TENM3: variants seen among roughly 807,000 people sequenced by gnomAD.
The protein encoded by TENM3 is teneurin-3.
A neutral mutation model predicts 255.1 loss-of-function variants in TENM3; 63 were observed. That is an observed-to-expected ratio of 0.25 (90% CI 0.20 to 0.30). The LOEUF is 0.30. Ranked by LOEUF, TENM3 falls within the 10% of genes least tolerant of loss-of-function variation. The pLI, the probability that TENM3 is intolerant of heterozygous loss-of-function variation, is 1.00. For missense variants in TENM3, 2,929 were observed against 3,461.1 expected, an observed-to-expected ratio of 0.85 and a Z score of 3.86; for synonymous variants, 1,306 against 1,322.3, an observed-to-expected ratio of 0.99 and a Z score of 0.27.
chr4:181,899,774 G>T, the TENM3 span, among the ~76,000 whole-genome samples: 2 of 151,946 alleles, frequency 1.3e-5, no homozygotes, highest in East Asian at 3.9e-4. Context: ...CACCATGTTG[G>T]CCAGGATGGT....
chr4:182,502,910 C>CTT lies in TENM3; in HGVS notation c.512-97989_512-97988dup, dbSNP rs10671906. On this transcript the variant is annotated intron_variant, in intron 3 of 27. Transcript: ENST00000511685. ...TGTTTTGTGATTGGATGAAGTCAGC[C>CTT]TTTTTTTTTTTTTTTTTTTTTTTTT... is the stretch of plus-strand genomic sequence containing the variant. Among the ~76,000 whole-genome samples, 396 of 77,358 alleles carry CTT rather than the reference C, an allele frequency of 5.1e-3. 27 individuals carry two copies. Among genetic ancestry groups the CTT allele is most frequent in the Middle Eastern group, 0.02 (2 of 98 alleles). The allele number at this position is 77,358 out of a possible 152,430, so 50.7% of individuals were successfully genotyped here.
intron 3 of TENM3, among the ~76,000 whole-genome samples, chr4:182,446,382 A>G (rs1772914527): frequency 6.6e-6 from 1 of 152,356 alleles, no homozygotes; most frequent in South Asian, 2.1e-4. Flanking sequence ...AATAAATGCT[A>G]TCAATCAGTG....
the TENM3 span, among the ~76,000 whole-genome samples, chr4:181,932,543 G>A: frequency 2.0e-4 from 31 of 152,218 alleles, no homozygotes; most frequent in Non-Finnish European, 4.3e-4. Context: ...TGGAAAAATA[G>A]GAACACTTTA....
chr4:182,109,353 C>G, the TENM3 span, among the ~76,000 whole-genome samples: 1 of 150,236 alleles, frequency 6.7e-6, no homozygotes, highest in African/African-American at 2.4e-5. Flanking sequence ...ATAATCACAA[C>G]ATATAGTGAT....
chr4:182,187,199 A>G (rs979555139), intron 1 of TENM3, among the ~76,000 whole-genome samples: 2 of 152,216 alleles, frequency 1.3e-5, no homozygotes, highest in African/African-American at 4.8e-5. Context: ...TAAAATAAAT[A>G]TGAGAAAATA....
At chr4:182,000,374 C>G in the TENM3 span, among the ~76,000 whole-genome samples, 2 of 151,978 alleles carry the variant, frequency 1.3e-5, no homozygotes, top group African/African-American at 4.8e-5. Context: ...CCTTCTCTAG[C>G]CAAGAATCGG....
At chr4:182,181,290 C>T (rs1752824401) in intron 1 of TENM3, among the ~76,000 whole-genome samples, 1 of 152,162 alleles carries the variant, frequency 6.6e-6, no homozygotes, top group Non-Finnish European at 1.5e-5. Flanking sequence ...TTATGGCTTA[C>T]TAAACTAACA....
At chr4:182,415,585 A>T (rs1770305273) in intron 3 of TENM3, among the ~76,000 whole-genome samples, 2 of 152,212 alleles carry the variant, frequency 1.3e-5, no homozygotes, top group Admixed American at 6.5e-5. Flanking sequence ...TGCATTAAAA[A>T]TTTTAAACTA....
the TENM3 span, among the ~76,000 whole-genome samples, chr4:181,700,611 C>T: frequency 6.6e-6 from 1 of 152,306 alleles, no homozygotes; most frequent in Non-Finnish European, 1.5e-5. Context: ...CAAAGATGAT[C>T]ATCTTTTCCC....
intron 3 of TENM3, among the ~76,000 whole-genome samples, chr4:182,568,892 G>A (rs1279707755): frequency 1.3e-5 from 2 of 152,190 alleles, no homozygotes; most frequent in African/African-American, 4.8e-5. Flanking sequence ...AGTACATACT[G>A]TATGATTCCA....
the TENM3 span, among the ~76,000 whole-genome samples, chr4:181,504,780 G>A: frequency 6.6e-6 from 1 of 152,220 alleles, no homozygotes; most frequent in Non-Finnish European, 1.5e-5. Flanking sequence ...GGTGCTGGGT[G>A]TATTTTGGAC....
In TENM3 at chr4:182,639,989, C is replaced by T. The variant is rs573402364; in HGVS notation, c.988+11100C>T. Among the ~76,000 whole-genome samples the T allele has an allele frequency of 1.3e-3, 202 of 152,280 alleles. 2 individuals are homozygous for T. The highest frequency in any genetic ancestry group is 2.4e-3 in the Non-Finnish European group (166 of 68,022). On this transcript the variant is annotated intron_variant, in intron 5 of 27. Transcript: ENST00000511685. ...CCTGTAGTCCCAGCTACTCGGGAGG[C>T]TGAGGCAGGAGAATTGCTTGAACCC... is the stretch of plus-strand genomic sequence containing the variant.
chr4:181,974,989 G>A, the TENM3 span, among the ~76,000 whole-genome samples: 8 of 152,062 alleles, frequency 5.3e-5, no homozygotes. Context: ...CCATCTTTAT[G>A]TCCTGTTGAG....
At chr4:182,516,147 T>A (rs1256590597) in intron 3 of TENM3, among the ~76,000 whole-genome samples, 2 of 152,194 alleles carry the variant, frequency 1.3e-5, no homozygotes, top group Non-Finnish European at 2.9e-5. Context: ...GAGAATGCAG[T>A]GGTTAATTAA....
At chr4:181,767,406 A>G in the TENM3 span, among the ~76,000 whole-genome samples, 10 of 152,196 alleles carry the variant, frequency 6.6e-5, no homozygotes, top group Admixed American at 2.0e-4. Context: ...TGAAAATCCA[A>G]TAAGGAATTT....
At chr4:181,839,260 A>G in the TENM3 span, among the ~76,000 whole-genome samples, 1 of 147,452 alleles carries the variant, frequency 6.8e-6, no homozygotes, top group East Asian at 2.0e-4. Flanking sequence ...AAGAACTCCC[A>G]CTTACCCTTC....
At chr4:181,700,274 TC>T in the TENM3 span, among the ~76,000 whole-genome samples, 1 of 151,768 alleles carries the variant, frequency 6.6e-6, no homozygotes, top group Non-Finnish European at 1.5e-5. Context: ...CTAATATAAG[TC>T]AGTGACAAAA....
At chr4:181,483,633 G>A in the TENM3 span, among the ~76,000 whole-genome samples, 1 of 152,052 alleles carries the variant, frequency 6.6e-6, no homozygotes, top group Non-Finnish European at 1.5e-5. Context: ...TCTCAGACAT[G>A]GTTTTACATA....
chr4:182,759,811 T>C (rs565980254), intron 22 of TENM3, among the ~76,000 whole-genome samples: 1 of 152,342 alleles, frequency 6.6e-6, no homozygotes, highest in African/African-American at 2.4e-5. Context: ...TTCTTTAGCA[T>C]GGTAACTGTC....
Sources: gnomAD v4.1 joint callset for allele counts (sites outside exome capture counted in the v4.1 genomes callset) on GRCh38, gnomAD v4.1.1 for gene constraint, MANE v1.5 for transcripts, NCBI Gene and HGNC (gene_info 2026-07-23, HGNC 2026-07-21) for gene names.